THAP3: variants seen among roughly 807,000 people sequenced by gnomAD.
THAP3 encodes THAP domain-containing protein 3.
Under a neutral mutation model 17.7 loss-of-function variants are expected in THAP3, and 12 were observed. The observed-to-expected ratio is 0.68, with a 90% CI of 0.43 to 1.10. THAP3 has a LOEUF of 1.10. Ranked by LOEUF, THAP3 falls within the 50% of genes least tolerant of loss-of-function variation. THAP3 has a pLI of 0.00. For missense variants in THAP3, 289 were observed against 318.0 expected (o/e 0.91, Z 0.69); for synonymous variants, 133 against 126.9 (o/e 1.05, Z -0.32).
Position 6,633,383 on chromosome 1 carries a change from A to ATCCT in THAP3, c.*308_*309insCTTC. The ATCCT allele has an allele frequency of 8.0e-7, 1 of 1,245,294 alleles. No individual in the cohort carries two copies. The highest frequency in any genetic ancestry group is 1.0e-6 in the Non-Finnish European group (1 of 984,346). 77.1% of individuals were successfully genotyped at this position (1,245,294 alleles called of 1,614,324 possible). A position where few individuals can be genotyped will look rare whatever the true frequency, so the allele number is the denominator to read the frequency against. ...TCCTTTCAGCACACGCAGAGCAAAG[A>ATCCT]TCGTTGGAAGCCCCAGTGTGGGAGA... is the stretch of plus-strand genomic sequence containing the variant. On this transcript the variant is annotated 3_prime_UTR_variant, in exon 6 of 6. Transcript: ENST00000054650.
intron 4 of THAP3, among the ~76,000 whole-genome samples, chr1:6,632,185 C>A (rs1641633086): frequency 6.6e-6 from 1 of 151,032 alleles, no homozygotes; most frequent in South Asian, 2.1e-4. Context: ...CACTGCACTC[C>A]AGCCTAAGTG....
At chr1:6,634,103 G>C (rs1160190300), downstream of THAP3, 20 of 1,611,534 alleles carry the variant, frequency 1.2e-5, no homozygotes, top group Admixed American at 2.5e-4. Context: ...TGGGGAGGAG[G>C]CCTCTGGGGA....
In THAP3 at chr1:6,625,233, C is replaced by G; in HGVS notation, c.15C>G (p.Cys5Trp). 7 of 1,543,710 alleles carry G rather than the reference C, an allele frequency of 4.5e-6. No individual in the cohort carries two copies. Among genetic ancestry groups the G allele is most frequent in the Non-Finnish European group, 6.1e-6 (7 of 1,146,246 alleles). Residue 5 changes from cysteine to tryptophan, a missense_variant, in exon 2 of 6, where the codon TGC (cysteine) becomes TGG (tryptophan). Coordinates refer to ENST00000054650, the MANE Select transcript of THAP3 (RefSeq NM_001195753.2). The stretch of plus-strand genomic sequence containing the variant: ...CCTGGCTCGAGATGCCGAAGTCGTG[C>G]GCGGCCCGGCAGTGCTGCAACCGCT... MPKSCAARQCCNRYS... is the reference protein window; with the variant it reads MPKSWAARQCCNRYS...
intron 1 of THAP3, 57 bp from the exon 2 acceptor site, chr1:6,625,093 C>A: frequency 1.8e-6 from 2 of 1,107,540 alleles, no homozygotes; most frequent in South Asian, 1.5e-5. Flanking sequence ...GATGAGCGCG[C>A]CCTGGAGGCG....
chr1:6,634,779 T>G (rs1200385196), downstream of THAP3: 1 of 1,318,826 alleles, frequency 7.6e-7, no homozygotes, highest in East Asian at 5.1e-5. Flanking sequence ...GGAGCTGCAG[T>G]GCCACCTGCT....
At chr1:6,632,270 G>A in intron 4 of THAP3, 121 bp from the exon 5 acceptor site, 2 of 1,362,306 alleles carry the variant, frequency 1.5e-6, no homozygotes, top group Non-Finnish European at 1.0e-6. Flanking sequence ...TGGCTGTGGA[G>A]GGGCACAGAC....
intron 4 of THAP3, 100 bp from the exon 5 acceptor site, chr1:6,632,291 G>C: frequency 6.6e-7 from 1 of 1,519,278 alleles, no homozygotes; most frequent in Non-Finnish European, 9.0e-7. Context: ...CCTGGAGCTG[G>C]TCCCTGGCTG....
intron 3 of THAP3, among the ~76,000 whole-genome samples, chr1:6,629,259 G>A (rs1556034): frequency 0.34 from 51,409 of 152,160 alleles, 8,928 homozygotes; most frequent in South Asian, 0.47. Context: ...GGGCACCCAC[G>A]TGGAGTGGGC....
chr1:6,628,447 AG>A lies in THAP3; in HGVS notation c.75-50del. 3 of 1,501,236 alleles carry A rather than the reference AG, an allele frequency of 2.0e-6. No individual in the cohort carries two copies. In the South Asian group the frequency reaches 3.9e-5, roughly 19 times the overall value. The allele number at this position is 1,501,236 out of a possible 1,614,324, so 93.0% of individuals were successfully genotyped here. On this transcript the variant is annotated intron_variant, in intron 2 of 5. Coordinates refer to ENST00000054650, the MANE Select transcript of THAP3 (RefSeq NM_001195753.2). ...GATGTGAAAATTCCGAATGACTCTG[AG>A]GCGCTGGGTCCAGCCTTGCTGGGCC...
chr1:6,635,532 T>G (rs1641746798), downstream of THAP3: 1 of 937,704 alleles, frequency 1.1e-6, no homozygotes, highest in African/African-American at 1.7e-5. Context: ...TGCATGTCCC[T>G]TCACATAATT....
intron 4 of THAP3, among the ~76,000 whole-genome samples, chr1:6,630,750 G>T (rs369636900): frequency 2.2e-4 from 34 of 152,062 alleles, no homozygotes; most frequent in African/African-American, 7.5e-4. Flanking sequence ...TTTGTGTTTT[G>T]AAATAGAGAC....
intron 2 of THAP3, among the ~76,000 whole-genome samples, chr1:6,626,473 G>A (rs962023351): frequency 6.6e-6 from 1 of 152,214 alleles, no homozygotes; most frequent in African/African-American, 2.4e-5. Context: ...TTGAATGCAA[G>A]TGCCAGAATT....
chr1:6,634,799 G>A (rs78571546), downstream of THAP3: 1,560 of 1,295,328 alleles, frequency 1.2e-3, 16 homozygotes, highest in African/African-American at 0.019. Context: ...TGGGTACCAC[G>A]GGCCGGGCCT....
At chr1:6,634,734 G>A, downstream of THAP3, 2 of 1,357,368 alleles carry the variant, frequency 1.5e-6, no homozygotes, top group Non-Finnish European at 2.0e-6. Flanking sequence ...ACAGGCCCTG[G>A]TGTTCCTGTG....
downstream of THAP3, chr1:6,634,209 A>G (rs1641707941): frequency 2.0e-6 from 2 of 990,888 alleles, no homozygotes; most frequent in Non-Finnish European, 3.0e-6. Context: ...TGCCTTCTGT[A>G]CAGTCGACTG....
chr1:6,624,898 G>C lies in THAP3; in HGVS notation c.-126G>C. On this transcript the variant is annotated 5_prime_UTR_variant, in exon 1 of 6. Transcript: ENST00000054650. The stretch of plus-strand genomic sequence containing the variant: ...TGTCCAAGCCTGTGAGTGGCTATGC[G>C]TCCTGGTTGGGTGCTCAAAGCAAGG... The C allele has an allele frequency of 2.5e-6, 1 of 392,752 alleles. No individual in the cohort carries two copies. The highest frequency in any genetic ancestry group is 4.6e-6 in the Non-Finnish European group (1 of 215,208). 24.3% of individuals were successfully genotyped at this position (392,752 alleles called of 1,614,324 possible). A position where few individuals can be genotyped will look rare whatever the true frequency, so the allele number is the denominator to read the frequency against.
At position 6,627,199 on chromosome 1, in the gene THAP3, A is replaced by AG. The variant is rs1398314160; in HGVS notation, c.75-1296dup. Among the ~76,000 whole-genome samples the AG allele has an allele frequency of 2.0e-5, 3 of 152,110 alleles. No individual in the cohort carries two copies. The East Asian group carries it at 5.8e-4, about 29-fold the overall frequency. On this transcript the variant is annotated intron_variant, in intron 2 of 5. Transcript: ENST00000054650. ...AGCCCTGGGGTGTGGGCCATGGCCC[A>AG]GGGGTGGCTTCTAGCCACACTTGCT... is the stretch of plus-strand genomic sequence containing the variant.
intron 2 of THAP3, chr1:6,628,199 A>AC: frequency 2.8e-6 from 1 of 353,166 alleles, no homozygotes; most frequent in East Asian, 6.4e-5. Flanking sequence ...CTGTCTCATT[A>AC]CCCCCCATCC....
intron 2 of THAP3, 53 bp downstream of exon 2, chr1:6,625,345 C>T: frequency 6.7e-7 from 1 of 1,485,244 alleles, no homozygotes; most frequent in Non-Finnish European, 9.0e-7. Flanking sequence ...GGCCCGCGGA[C>T]CGACTCCGAG....
Sources: allele counts gnomAD v4.1 joint callset (sites outside exome capture counted in the v4.1 genomes callset), GRCh38; gene constraint gnomAD v4.1.1; transcripts MANE v1.5; gene names NCBI Gene and HGNC (gene_info 2026-07-23, HGNC 2026-07-21).